The following INTS1 variants were observed in gnomAD, a reference collection of about 807,000 sequenced individuals.
INTS1 encodes the protein integrator complex subunit 1.
A neutral mutation model predicts 241.6 loss-of-function variants in INTS1; 137 were observed. The ratio of observed to expected loss-of-function variants is 0.57; its 90% CI spans 0.49 to 0.65. INTS1 has a LOEUF of 0.65. Ranked by LOEUF, INTS1 falls within the 30% of genes least tolerant of loss-of-function variation. The probability of loss-of-function intolerance (pLI) is 0.00; values close to 1 mark genes in which losing one functional copy is unlikely to be tolerated. For synonymous variants in INTS1, 1,692 were observed against 1,337.8 expected (o/e 1.26, Z -5.78); for missense variants, 3,073 against 3,032.2 (o/e 1.01, Z -0.32).
rs147612660 is a variant in INTS1, at chr7:1,471,901, G to A, written c.6185-260C>T. 3,132 of 582,100 alleles carry A rather than the reference G, an allele frequency of 5.4e-3. 87 individuals carry two copies. The highest frequency in any genetic ancestry group is 0.051 in the African/African-American group (2,752 of 53,638). The allele number at this position is 582,100 out of a possible 1,614,324, so 36.1% of individuals were successfully genotyped here. On this transcript the variant is annotated intron_variant, in intron 44 of 47. Transcript: ENST00000404767. ...ATCCAGGGTGCTCTTAGCACCAAGT[G>A]TCCCCACGGCCCGACTCCATCCGGG... is the stretch of plus-strand genomic sequence containing the variant.
chr7:1,471,845 G>C (rs1353415635), intron 44 of INTS1: 1 of 601,448 alleles, frequency 1.7e-6, no homozygotes, highest in Admixed American at 2.9e-5. Flanking sequence ...GGCCTCCAAG[G>C]AGAGGGGTTG....
chr7:1,499,492 A>G lies in INTS1; in HGVS notation c.825T>C (p.Val275=). 1 of 1,515,888 alleles carries G rather than the reference A, an allele frequency of 6.6e-7. No homozygotes were observed. The allele number at this position is 1,515,888 out of a possible 1,614,324, so 93.9% of individuals were successfully genotyped here. A position where few individuals can be genotyped will look rare whatever the true frequency, so the allele number is the denominator to read the frequency against. Residue 275 remains valine, a synonymous_variant, in exon 6 of 48, where the codon GTT becomes GTC. Coordinates refer to ENST00000404767, the MANE Select transcript of INTS1 (RefSeq NM_001080453.3). ...SVLLQGEAGR[V]AGDLGAGSSP... is the part of the protein sequence containing the mutation. ...TCTCACCTGCACCCAGGTCGCCCGC[A>G]ACGCGGCCCGCCTCCCCCTGCAGCA...
intron 42 of INTS1, 29 bp from the exon 43 acceptor site, chr7:1,473,213 AG>A (rs1180102851): frequency 1.3e-6 from 2 of 1,525,054 alleles, no homozygotes; most frequent in East Asian, 2.3e-5. Context: ...TTCACCTGGG[AG>A]GAAGACGCTG....
intron 39 of INTS1, among the ~76,000 whole-genome samples, chr7:1,475,641 C>T (rs1562486878): frequency 6.6e-6 from 1 of 152,296 alleles, no homozygotes; most frequent in East Asian, 1.9e-4. Flanking sequence ...GTCACTGCCC[C>T]AAACTGAACG....
Position 1,471,232 on chromosome 7 carries a change from G to A in INTS1, c.6256-8C>T. On this transcript the variant is annotated splice_polypyrimidine_tract_variant and splice_region_variant and intron_variant, in intron 45 of 47. Coordinates refer to ENST00000404767, the MANE Select transcript of INTS1 (RefSeq NM_001080453.3). The stretch of plus-strand genomic sequence containing the variant: ...CAGCCGCTGCAGGTTGGTCTGACCG[G>A]GGGAAAGGTGGGAGGTGTGTGACCA... The A allele has an allele frequency of 1.9e-6, 3 of 1,568,114 alleles. No individual in the cohort carries two copies. The highest frequency in any genetic ancestry group is 2.6e-6 in the Non-Finnish European group (3 of 1,157,680).
At position 1,493,756 on chromosome 7, in the gene INTS1, T is replaced by C; in HGVS notation, c.2066A>G (p.Asp689Gly). 1 of 1,576,286 alleles carries C rather than the reference T, an allele frequency of 6.3e-7. No homozygotes were observed. Among genetic ancestry groups the C allele is most frequent in the Non-Finnish European group, 8.6e-7 (1 of 1,162,722 alleles). The change falls in exon 15 of 48, where the codon GAT (aspartate) becomes GGT (glycine). Residue 689 changes from aspartate (D) to glycine (G), a missense_variant and splice_region_variant. Transcript: ENST00000404767. This position sits in a 1 kb window ranked among gnomAD's most constrained non-coding sequence, Gnocchi z 5.3. Reference protein sequence around the residue: ...LVKRAAAVQADDVEVLKVGRT... With the variant: ...LVKRAAAVQAGDVEVLKVGRT... Reference sequence around the variant, plus strand: ...GCCATCCCCTGCAGAAGCCATACCATCCGCCTGCACGGCAGCCGCCCGCTT... The same window carrying C: ...GCCATCCCCTGCAGAAGCCATACCACCCGCCTGCACGGCAGCCGCCCGCTT...
At chr7:1,490,969 G>A (rs374518766) in intron 16 of INTS1, among the ~76,000 whole-genome samples, 12 of 152,354 alleles carry the variant, frequency 7.9e-5, no homozygotes, top group African/African-American at 2.6e-4. Context: ...GCCACCGACA[G>A]GGCGCCAAGA....
At chr7:1,496,427 C>T (rs1232199710) in intron 11 of INTS1, among the ~76,000 whole-genome samples, 163 bp from the exon 12 acceptor site, 2 of 133,464 alleles carry the variant, frequency 1.5e-5, no homozygotes, top group African/African-American at 2.8e-5. Context: ...AAGGGACACC[C>T]GGGAGCCCCA....
In INTS1 at chr7:1,470,317, GC is replaced by G. The variant is rs560179643; in HGVS notation, c.*259del. 6.4e-6 allele frequency: 3 copies of G among 467,728 alleles called. No individual in the cohort carries two copies. In the East Asian group the frequency reaches 1.1e-4, roughly 17 times the overall value. 29.0% of individuals were successfully genotyped at this position (467,728 alleles called of 1,614,324 possible). On this transcript the variant is annotated 3_prime_UTR_variant, in exon 48 of 48. Transcript: ENST00000404767. The stretch of plus-strand genomic sequence containing the variant: ...TTCATTCAAAACCAGCCCAGGCCAT[GC>G]CCGGGGGGATCCGCCGCTCCGCGGC...
chr7:1,485,535 G>A (rs370224851), intron 22 of INTS1, 66 bp from the exon 23 acceptor site: 65 of 1,514,672 alleles, frequency 4.3e-5, no homozygotes, highest in East Asian at 7.2e-5. Context: ...CCCTGGCCCC[G>A]GGAGCACACG....
At chr7:1,488,215 G>A (rs1782372439) in intron 18 of INTS1, among the ~76,000 whole-genome samples, 1 of 152,140 alleles carries the variant, frequency 6.6e-6, no homozygotes, top group African/African-American at 2.4e-5. Context: ...CCAGAGCCAA[G>A]GCCAGCGGTG....
chr7:1,471,343 G>A, intron 45 of INTS1, 119 bp from the exon 46 acceptor site: 1 of 1,134,104 alleles, frequency 8.8e-7, no homozygotes, highest in African/African-American at 1.5e-5. Flanking sequence ...CCCCTATCCA[G>A]AAGGCAGGAC....
At chr7:1,499,758 C>A (rs964373267) in intron 5 of INTS1, 126 bp from the exon 6 acceptor site, 4 of 1,463,900 alleles carry the variant, frequency 2.7e-6, no homozygotes, top group African/African-American at 2.8e-5. Flanking sequence ...GCAGCAGGGA[C>A]CGTGCCATCA....
chr7:1,494,913 C>G lies in INTS1; in HGVS notation c.1833-20G>C. ...TGCAGGCTGGGCAGGCAGAGAAGAG[C>G]CCTCAGTCATGATGTGGGTGCTCAG... On this transcript the variant is annotated intron_variant, in intron 13 of 47. Coordinates refer to ENST00000404767, the MANE Select transcript of INTS1 (RefSeq NM_001080453.3). 6.4e-7 allele frequency: 1 copy of G among 1,552,422 alleles called. No individual in the cohort carries two copies. The highest frequency in any genetic ancestry group is 8.7e-7 in the Non-Finnish European group (1 of 1,148,900).
chr7:1,484,410 G>A lies in INTS1; in HGVS notation c.3262-240C>T, dbSNP rs897366704. Among the ~76,000 whole-genome samples, 6 of 152,184 alleles carry A rather than the reference G, an allele frequency of 3.9e-5. No individual in the cohort carries two copies. The South Asian group carries it at 8.3e-4, about 21-fold the overall frequency. On this transcript the variant is annotated intron_variant, in intron 24 of 47. Coordinates refer to ENST00000404767, the MANE Select transcript of INTS1 (RefSeq NM_001080453.3). Reference sequence around the variant, plus strand: ...CAATGACCAGGCCCTGAAAGCGGACGCTGCTGCCCTCTGCCCGGCAGCCAC... The same window carrying A: ...CAATGACCAGGCCCTGAAAGCGGACACTGCTGCCCTCTGCCCGGCAGCCAC...
intron 8 of INTS1, 27 bp downstream of exon 8, chr7:1,498,948 G>GCCCCCCC: frequency 1.1e-6 from 1 of 946,722 alleles, no homozygotes; most frequent in Non-Finnish European, 1.4e-6. Context: ...CCCCTGCCCC[G>GCCCCCCC]CCCACCCCCC....
intron 22 of INTS1, among the ~76,000 whole-genome samples, chr7:1,486,035 A>C (rs1480453477): frequency 1.3e-5 from 2 of 151,738 alleles, no homozygotes; most frequent in Non-Finnish European, 2.9e-5. Flanking sequence ...TCCTGGGCTC[A>C]AGTGATCCTC....
Position 1,476,937 on chromosome 7 carries a change from G to A in INTS1, c.4939-19C>T, listed in dbSNP as rs774711567. 6 of 1,602,102 alleles carry A rather than the reference G, an allele frequency of 3.7e-6. No individual in the cohort carries two copies. In the South Asian group the frequency reaches 4.5e-5, roughly 12 times the overall value. On this transcript the variant is annotated intron_variant, in intron 35 of 47. Coordinates refer to ENST00000404767, the MANE Select transcript of INTS1 (RefSeq NM_001080453.3). ...CTTTGCCCTGGGGAGGGAGGAAGAA[G>A]CCCGGATGGCCTCACCTGGGCCAAT...
intron 12 of INTS1, 111 bp downstream of exon 12, chr7:1,496,045 G>A: frequency 1.3e-6 from 1 of 764,570 alleles, no homozygotes; most frequent in Non-Finnish European, 2.2e-6. Context: ...CGTGCTGCGG[G>A]ACCGCTCCTG....
Sources: allele counts gnomAD v4.1 joint callset (sites outside exome capture counted in the v4.1 genomes callset), GRCh38; gene constraint gnomAD v4.1.1; non-coding constraint Gnocchi (gnomAD v3.1); transcripts MANE v1.5; gene names NCBI Gene and HGNC (gene_info 2026-07-23, HGNC 2026-07-21).